The following USP6 variants were observed in gnomAD, a reference collection of about 807,000 sequenced individuals.
The protein encoded by USP6 is ubiquitin specific peptidase 6, also known as ubiquitin carboxyl-terminal hydrolase 6.
USP6 carries 128 observed loss-of-function variants against 175.7 expected under a neutral mutation model. The observed-to-expected ratio is 0.73, with a 90% confidence interval of 0.63 to 0.84. USP6 has a LOEUF of 0.84. USP6 is among the 40% of genes least tolerant of loss of function. The pLI, the probability that USP6 is intolerant of heterozygous loss-of-function variation, is 0.00. For synonymous variants in USP6, 562 were observed against 630.6 expected (o/e 0.89, Z 1.63); for missense variants, 1,498 against 1,760.3 (o/e 0.85, Z 2.67).
intron 30 of USP6, 128 bp from the exon 31 acceptor site, chr17:5,155,294 A>G: frequency 2.6e-6 from 3 of 1,143,654 alleles, no homozygotes; most frequent in Non-Finnish European, 3.8e-6. Flanking sequence ...TTTTATAAAC[A>G]TAGAGAAGAA....
intron 22 of USP6, 135 bp downstream of exon 22, chr17:5,139,809 GGC>G: frequency 6.3e-7 from 1 of 1,594,752 alleles, no homozygotes. Flanking sequence ...CCCACTTCAG[GGC>G]CTTGCCTCTG....
rs1335523699 is a variant in USP6 at position 5,130,785 on chromosome 17, C to T, written c.155+101C>T. The T allele has an allele frequency of 1.9e-5, 27 of 1,432,664 alleles. No homozygotes were observed. In the South Asian group the frequency reaches 2.7e-4, roughly 14 times the overall value. 88.7% of individuals were successfully genotyped at this position (1,432,664 alleles called of 1,614,324 possible). A position where few individuals can be genotyped will look rare whatever the true frequency, so the allele number is the denominator to read the frequency against. ...CCTTTCTGATGCAGGACATGTCTCG[C>T]TAGGTCGGGCCAACCTCTTTTCCAG... On this transcript the variant is annotated intron_variant, in intron 11 of 37. Transcript: ENST00000574788.
intron 7 of USP6, among the ~76,000 whole-genome samples, chr17:5,127,937 G>A (rs1394510242): frequency 3.3e-5 from 5 of 152,208 alleles, no homozygotes; most frequent in Non-Finnish European, 7.3e-5. Flanking sequence ...TTTTCCATCT[G>A]CTGTTGGCTG....
chr17:5,158,660 A>G (rs1252178053), intron 31 of USP6, among the ~76,000 whole-genome samples: 2 of 142,334 alleles, frequency 1.4e-5, no homozygotes, highest in Non-Finnish European at 3.1e-5. Flanking sequence ...AGAGAGAGAG[A>G]GAGAGAGAGA....
Position 5,139,328 on chromosome 17 carries a change from G to A in USP6, c.1152G>A (p.Gly384=), listed in dbSNP as rs753149664. The change falls in exon 22 of 38, where the codon GGG becomes GGA. Residue 384 remains glycine, a synonymous_variant. Coordinates refer to ENST00000574788, the MANE Select transcript of USP6 (RefSeq NM_001304284.2). The part of the protein sequence containing the change: ...ASRGGKTLCK[G]YRQAPPGPPA... ...GTGGTGGGAAGACCCTCTGCAAGGG[G>A]TATAGGCAGGCCCCTCCAGGCCCAC... is the stretch of plus-strand genomic sequence containing the variant. The A allele has an allele frequency of 1.2e-6, 2 of 1,611,698 alleles. No individual in the cohort carries two copies. Among genetic ancestry groups the A allele is most frequent in the East Asian group, 2.2e-5 (1 of 44,884 alleles).
In USP6 at chr17:5,130,572, C is replaced by T. The variant is rs1567777588; in HGVS notation, c.73-30C>T. 25 of 1,612,256 alleles carry T rather than the reference C, an allele frequency of 1.6e-5. No homozygotes were observed. The East Asian group carries it at 5.6e-4, about 36-fold the overall frequency. On this transcript the variant is annotated intron_variant, in intron 10 of 37. Coordinates refer to ENST00000574788, the MANE Select transcript of USP6 (RefSeq NM_001304284.2). Reference sequence around the variant, plus strand: ...AGGCCCTTGCACCCTTTACCTTGGACCCCTCACCAAGGCTCCCTCTGGGTT... The same window carrying T: ...AGGCCCTTGCACCCTTTACCTTGGATCCCTCACCAAGGCTCCCTCTGGGTT...
At chr17:5,138,759 G>A (rs1477121037) in intron 21 of USP6, among the ~76,000 whole-genome samples, 1 of 152,204 alleles carries the variant, frequency 6.6e-6, no homozygotes, top group Non-Finnish European at 1.5e-5. Flanking sequence ...GGGCACAGGC[G>A]GGACCCCGGG....
In USP6 at chr17:5,116,124, T is replaced by C. The variant is rs2072530140; in HGVS notation, c.-2544T>C. Among the ~76,000 whole-genome samples, 1 of 152,118 alleles carries C rather than the reference T, an allele frequency of 6.6e-6. No homozygotes were observed. Among genetic ancestry groups the C allele is most frequent in the Non-Finnish European group, 1.5e-5 (1 of 67,994 alleles). Reference sequence around the variant, plus strand: ...GAGCTCGTCTCCAGGCGCCCATCAGTCTTCCCCTCACTCGACGCTACCTTG... The same window carrying C: ...GAGCTCGTCTCCAGGCGCCCATCAGCCTTCCCCTCACTCGACGCTACCTTG... On this transcript the variant is annotated 5_prime_UTR_variant, in exon 1 of 38. Transcript: ENST00000574788.
chr17:5,154,531 C>T (rs1017692305), intron 30 of USP6, among the ~76,000 whole-genome samples: 23 of 152,188 alleles, frequency 1.5e-4, no homozygotes, highest in African/African-American at 4.8e-4. Flanking sequence ...TACTTTTATC[C>T]TATCCTGTAT....
intron 25 of USP6, among the ~76,000 whole-genome samples, chr17:5,143,275 C>T (rs535371856): frequency 6.6e-5 from 10 of 152,254 alleles, no homozygotes; most frequent in Admixed American, 1.3e-4. Context: ...TCATTGAGAA[C>T]GGGCCATGAC....
Position 5,146,122 on chromosome 17 carries a change from G to T in USP6, c.2267G>T (p.Gly756Val), listed in dbSNP as rs1305413040. ...GLKKQLRDLCGLNSEQILLAE... is the reference protein window; with the variant it reads ...GLKKQLRDLCVLNSEQILLAE... Reference sequence around the variant, plus strand: ...AAAAAACAGCTGAGGGATCTCTGTGGACTTAATTCAGAACAAATCCTACTA... The same window carrying T: ...AAAAAACAGCTGAGGGATCTCTGTGTACTTAATTCAGAACAAATCCTACTA... Residue 756 changes from glycine (G) to valine (V), a missense_variant, in exon 28 of 38, where the codon GGA becomes GTA. Around this residue, in one of 2 missense-constraint regions of USP6, gnomAD observed 1,217 missense variants for 1,500.8 expected, o/e 0.81. Coordinates refer to ENST00000574788, the MANE Select transcript of USP6 (RefSeq NM_001304284.2). The T allele has an allele frequency of 1.9e-6, 3 of 1,612,928 alleles. No homozygotes were observed.
intron 7 of USP6, 145 bp downstream of exon 7, chr17:5,127,784 T>C (rs1017039590): frequency 1.3e-5 from 2 of 152,250 alleles, no homozygotes; most frequent in Non-Finnish European, 2.9e-5. Context: ...CCGTATACAT[T>C]AGACCATCTC....
intron 6 of USP6, 57 bp downstream of exon 6, chr17:5,125,995 G>C (rs969992950): frequency 2.0e-5 from 3 of 152,086 alleles, no homozygotes; most frequent in Non-Finnish European, 4.4e-5. Flanking sequence ...GGCTGGTCTC[G>C]AACTCCCGAT....
intron 36 of USP6, 129 bp downstream of exon 36, chr17:5,171,044 T>C: frequency 8.3e-7 from 1 of 1,200,830 alleles, no homozygotes; most frequent in Non-Finnish European, 1.2e-6. Context: ...TAGACAAAGT[T>C]AACATTGAAA....
intron 15 of USP6, 116 bp from the exon 16 acceptor site, chr17:5,135,118 C>G (rs1190648926): frequency 6.6e-6 from 8 of 1,205,660 alleles, no homozygotes. Context: ...GAAGAGCTCA[C>G]TGCTTATCTG....
At chr17:5,117,206 G>A (rs534372099) in intron 1 of USP6, among the ~76,000 whole-genome samples, 3 of 152,214 alleles carry the variant, frequency 2.0e-5, no homozygotes, top group East Asian at 3.9e-4. Context: ...TGTAGCACCC[G>A]CTGCTTAACA....
rs764072743 is a variant in USP6, at chr17:5,142,008, A to G, written c.1579A>G (p.Thr527Ala). The G allele has an allele frequency of 7.4e-6, 12 of 1,612,372 alleles. No individual in the cohort carries two copies. The highest frequency in any genetic ancestry group is 5.0e-5 in the Admixed American group (3 of 59,580). ...SSKIDRQKVP[T>A]EKGATGLSNL... The stretch of plus-strand genomic sequence containing the variant: ...TCTCATATTGTTTGTTCCAGTTCCC[A>G]CAGAAAAGGGAGCCACAGGTCTAAG... Residue 527 changes from threonine to alanine, a missense_variant, in exon 24 of 38, where the codon ACA (threonine) becomes GCA (alanine). This residue lies in a region of USP6 where 1,217 missense variants were observed against 1,500.8 expected (regional missense o/e 0.81). Transcript: ENST00000574788.
At chr17:5,148,865 CT>C in intron 30 of USP6, 98 bp downstream of exon 30, 2 of 1,500,594 alleles carry the variant, frequency 1.3e-6, no homozygotes, top group Non-Finnish European at 1.8e-6. Flanking sequence ...GCATTTTCTT[CT>C]CTTTTTTCTT....
chr17:5,139,693 G>C lies in USP6; in HGVS notation c.1498+19G>C. On this transcript the variant is annotated intron_variant, in intron 22 of 37. Coordinates refer to ENST00000574788, the MANE Select transcript of USP6 (RefSeq NM_001304284.2). ...GGAGAGGGTGAGGTTGGCTTTCACTGCACTGAGCCACAATGTGGGCATGGA... is the reference window on the plus strand; with the variant it reads ...GGAGAGGGTGAGGTTGGCTTTCACTCCACTGAGCCACAATGTGGGCATGGA... 1 of 1,602,976 alleles carries C rather than the reference G, an allele frequency of 6.2e-7. No homozygotes were observed. Among genetic ancestry groups the C allele is most frequent in the Middle Eastern group, 1.9e-4 (1 of 5,396 alleles).
Sources: allele counts gnomAD v4.1 joint callset (sites outside exome capture counted in the v4.1 genomes callset), GRCh38; gene constraint gnomAD v4.1.1; regional missense constraint gnomAD v4.1.1; transcripts MANE v1.5; gene names NCBI Gene and HGNC (gene_info 2026-07-23, HGNC 2026-07-21).